Variants in ZNF638 observed in about 807,000 individuals in gnomAD.
ZNF638 encodes CTCL tumor antigen se33-1.
Under a neutral mutation model 195.6 loss-of-function variants are expected in ZNF638, and 46 were observed. The ratio of observed to expected loss-of-function variants is 0.24; its 90% CI spans 0.19 to 0.30. The LOEUF (loss-of-function observed/expected upper bound fraction) is 0.30. ZNF638 is among the 10% of genes least tolerant of loss of function. The probability of loss-of-function intolerance (pLI) is 1.00; values close to 1 mark genes in which losing one functional copy is unlikely to be tolerated. For synonymous variants in ZNF638, 845 were observed against 772.0 expected, an observed-to-expected ratio of 1.09 and a Z score of -1.57; for missense variants, 2,440 against 2,325.3, an observed-to-expected ratio of 1.05 and a Z score of -1.01.
At chr2:71,365,971 A>C (rs2079191833) in intron 6 of ZNF638, among the ~76,000 whole-genome samples, 1 of 152,168 alleles carries the variant, frequency 6.6e-6, no homozygotes, top group Admixed American at 6.5e-5. Context: ...CTTCCACGTC[A>C]GCTTCCCTAA....
chr2:71,347,909 G>A (rs1348302515), intron 1 of ZNF638, among the ~76,000 whole-genome samples: 1 of 152,192 alleles, frequency 6.6e-6, no homozygotes, highest in African/African-American at 2.4e-5. Context: ...TACTTTACCT[G>A]TGTGTGCCTT....
rs202042555 is a variant in ZNF638 at position 71,348,980 on chromosome 2, G to A, written c.26G>A (p.Arg9Gln). Residue 9 changes from arginine (R) to glutamine (Q), a missense_variant, in exon 2 of 28, where the codon CGA becomes CAA. This residue lies in a region of ZNF638 where 191 missense variants were observed against 173.8 expected (regional missense o/e 1.10). Coordinates refer to ENST00000264447, the MANE Select transcript of ZNF638 (RefSeq NM_014497.5). MSRPRFNP[R>Q]GDFPLQRPRA... Reference sequence around the variant, plus strand: ...ATGTCGAGACCCAGGTTTAATCCTCGAGGAGACTTTCCACTTCAAAGGCCA... The same window carrying A: ...ATGTCGAGACCCAGGTTTAATCCTCAAGGAGACTTTCCACTTCAAAGGCCA... 20 of 1,614,072 alleles carry A rather than the reference G, an allele frequency of 1.2e-5. No homozygotes were observed. Among genetic ancestry groups the A allele is most frequent in the Middle Eastern group, 1.6e-4 (1 of 6,062 alleles).
intron 1 of ZNF638, among the ~76,000 whole-genome samples, chr2:71,344,889 A>G (rs976557571): frequency 3.9e-5 from 6 of 152,224 alleles, no homozygotes; most frequent in Admixed American, 3.3e-4. Context: ...GTGGATATGA[A>G]TGGTAGAAGA....
intron 10 of ZNF638, among the ~76,000 whole-genome samples, chr2:71,392,513 G>T (rs1408189764): frequency 6.6e-6 from 1 of 152,160 alleles, no homozygotes; most frequent in African/African-American, 2.4e-5. Flanking sequence ...CCACTCTCGA[G>T]CCTACCCTGT....
chr2:71,374,919 G>C (rs942650934), intron 8 of ZNF638: 9 of 152,128 alleles, frequency 5.9e-5, no homozygotes, highest in African/African-American at 2.2e-4. Flanking sequence ...GCCAGGCTTT[G>C]TCTTAAACAA....
Position 71,431,675 on chromosome 2 carries a change from G to T in ZNF638, c.5752+247G>T, listed in dbSNP as rs1006648130. ...CTCGGGAGGCTGAGGCAGGAGAATG[G>T]CGTGAACCCGGGAGGCGGAGCTTGC... On this transcript the variant is annotated intron_variant, in intron 26 of 27. Coordinates refer to ENST00000264447, the MANE Select transcript of ZNF638 (RefSeq NM_014497.5). Among the ~76,000 whole-genome samples the T allele has an allele frequency of 2.0e-5, 3 of 152,050 alleles. No individual in the cohort carries two copies. The South Asian group carries it at 6.2e-4, about 32-fold the overall frequency.
intron 23 of ZNF638, 76 bp downstream of exon 23, chr2:71,424,791 C>T: frequency 8.1e-7 from 1 of 1,229,066 alleles, no homozygotes; most frequent in Non-Finnish European, 1.2e-6. Context: ...TAACTTGTGC[C>T]TGCCTTAACA....
chr2:71,373,202 G>T (rs1429930580), intron 8 of ZNF638, among the ~76,000 whole-genome samples: 3 of 151,918 alleles, frequency 2.0e-5, no homozygotes, highest in Non-Finnish European at 2.9e-5. Flanking sequence ...GTTTTAATTT[G>T]CATCTTTTTG....
At chr2:71,425,665 CT>C (rs1262180760) in intron 23 of ZNF638, among the ~76,000 whole-genome samples, 2 of 151,898 alleles carry the variant, frequency 1.3e-5, no homozygotes, top group Non-Finnish European at 2.9e-5. Flanking sequence ...CATTATATTT[CT>C]TTTATTATTA....
chr2:71,430,809 G>A (rs771339900), intron 25 of ZNF638, among the ~76,000 whole-genome samples: 14 of 152,186 alleles, frequency 9.2e-5, no homozygotes, highest in African/African-American at 1.7e-4. Context: ...AGTATGCAGA[G>A]TCTGCTAACA....
At chr2:71,393,415 G>A (rs753433498) in intron 10 of ZNF638, 4 of 718,586 alleles carry the variant, frequency 5.6e-6, no homozygotes, top group South Asian at 1.5e-5. Context: ...ATTCCAGTAC[G>A]ATGCATCAGA....
intron 1 of ZNF638, among the ~76,000 whole-genome samples, chr2:71,336,361 A>T (rs1157120699): frequency 6.2e-5 from 9 of 145,632 alleles, no homozygotes; most frequent in Non-Finnish European, 1.1e-4. Context: ...ACAAGAGTGA[A>T]ATTCCATCTC....
At chr2:71,331,978 G>GA in intron 1 of ZNF638, 103 bp downstream of exon 1, 3 of 961,328 alleles carry the variant, frequency 3.1e-6, no homozygotes, top group Non-Finnish European at 2.5e-6. Flanking sequence ...TATTGTATCT[G>GA]TGTCGCAGCG....
At chr2:71,431,835 A>G (rs929125701) in intron 26 of ZNF638, among the ~76,000 whole-genome samples, 11 of 151,962 alleles carry the variant, frequency 7.2e-5, no homozygotes, top group Non-Finnish European at 1.2e-4. Context: ...CCTTGGCTGC[A>G]TTGTCATTTT....
intron 2 of ZNF638, among the ~76,000 whole-genome samples, chr2:71,352,128 C>G (rs2078950316): frequency 6.6e-6 from 1 of 152,054 alleles, no homozygotes; most frequent in African/African-American, 2.4e-5. Flanking sequence ...GAGAAGACTT[C>G]ATGGAGTAGG....
At position 71,427,113 on chromosome 2, in the gene ZNF638, A is replaced by C. The variant is rs766869825; in HGVS notation, c.5244A>C (p.Leu1748Phe). ...EIQDDSSDLH[L>F]VTLDEVTEED... ...AAGATGACAGCAGTGATTTGCATTT[A>C]GTGACTTTGGATGAAGTAACTGAAG... The change falls in exon 24 of 28, where the codon TTA (leucine) becomes TTC (phenylalanine). Residue 1748 changes from leucine to phenylalanine, a missense_variant. Transcript: ENST00000264447. The C allele has an allele frequency of 6.2e-7, 1 of 1,614,184 alleles. No individual in the cohort carries two copies. The highest frequency in any genetic ancestry group is 8.5e-7 in the Non-Finnish European group (1 of 1,180,018).
At chr2:71,382,234 T>C (rs2079546733) in intron 10 of ZNF638, among the ~76,000 whole-genome samples, 1 of 152,214 alleles carries the variant, frequency 6.6e-6, no homozygotes, top group Non-Finnish European at 1.5e-5. Flanking sequence ...AAGTTTCAGC[T>C]GTCACGAGTA....
intron 8 of ZNF638, among the ~76,000 whole-genome samples, chr2:71,373,068 GATAAT>G (rs2079344221): frequency 6.6e-6 from 1 of 152,120 alleles, no homozygotes; most frequent in Non-Finnish European, 1.5e-5. Context: ...CACAGTAATG[GATAAT>G]ATAAGATTGC....
intron 21 of ZNF638, among the ~76,000 whole-genome samples, chr2:71,420,346 C>T (rs2080405587): frequency 6.6e-6 from 1 of 152,120 alleles, no homozygotes; most frequent in African/African-American, 2.4e-5. Context: ...TCACACTGTA[C>T]TCATTCTGTT....
Sources: allele counts gnomAD v4.1 joint callset (sites outside exome capture counted in the v4.1 genomes callset), GRCh38; gene constraint gnomAD v4.1.1; regional missense constraint gnomAD v4.1.1; transcripts MANE v1.5; gene names NCBI Gene and HGNC (gene_info 2026-07-23, HGNC 2026-07-21).